Variants in FRMD6 observed in about 807,000 individuals in gnomAD.
FRMD6 encodes the protein FERM domain containing 6.
Under a neutral mutation model 73.2 loss-of-function variants are expected in FRMD6, and 37 were observed. That is an observed-to-expected ratio of 0.51 (90% confidence interval 0.39 to 0.66). FRMD6 has a LOEUF of 0.66. Among genes scored for constraint, FRMD6 ranks in the 30% least tolerant of loss-of-function variants. The probability of loss-of-function intolerance (pLI) is 0.00; values close to 1 mark genes in which losing one functional copy is unlikely to be tolerated. For missense variants in FRMD6, 714 were observed against 780.5 expected (o/e 0.91, Z 1.02); for synonymous variants, 273 against 282.2 (o/e 0.97, Z 0.33).
chr14:51,425,154 C>G, the FRMD6 span, among the ~76,000 whole-genome samples: 3 of 152,306 alleles, frequency 2.0e-5, no homozygotes, highest in Non-Finnish European at 4.4e-5. Flanking sequence ...CAATGCTGCC[C>G]ATGCTGTTGG....
chr14:51,649,408 T>G (rs1365291131), upstream of FRMD6: 1 of 152,194 alleles, frequency 6.6e-6, no homozygotes, highest in Admixed American at 6.5e-5. Flanking sequence ...TTGCTATTTG[T>G]TTTACCTAAT....
intron 1 of FRMD6, among the ~76,000 whole-genome samples, chr14:51,564,653 T>C (rs1401344663): frequency 1.3e-5 from 2 of 152,152 alleles, no homozygotes; most frequent in African/African-American, 2.4e-5. Flanking sequence ...ACAACAGCCT[T>C]AGAAAGAGAG....
intron 2 of FRMD6, among the ~76,000 whole-genome samples, chr14:51,625,997 T>C (rs1891100010): frequency 6.6e-6 from 1 of 152,210 alleles, no homozygotes; most frequent in Non-Finnish European, 1.5e-5. Flanking sequence ...GCTCAATAAA[T>C]GTTGAATAAA....
At chr14:51,492,171 G>A (rs870522) in intron 1 of FRMD6, among the ~76,000 whole-genome samples, 1 of 151,918 alleles carries the variant, frequency 6.6e-6, no homozygotes, top group African/African-American at 2.4e-5. Context: ...CTTTCCTTGA[G>A]TTTCAGCTAA....
the FRMD6 span, among the ~76,000 whole-genome samples, chr14:51,431,271 G>T: frequency 1.3e-5 from 2 of 152,280 alleles, no homozygotes; most frequent in African/African-American, 4.8e-5. Context: ...ACCCAAGCTG[G>T]AAGTCCTTCT....
At chr14:51,579,585 C>T (rs1888599034) in intron 2 of FRMD6, among the ~76,000 whole-genome samples, 1 of 152,132 alleles carries the variant, frequency 6.6e-6, no homozygotes, top group African/African-American at 2.4e-5. Flanking sequence ...TTGTTGAATA[C>T]CCTGCATTTA....
chr14:51,602,343 G>T (rs533170803), intron 2 of FRMD6, among the ~76,000 whole-genome samples: 1 of 152,130 alleles, frequency 6.6e-6, no homozygotes, highest in Non-Finnish European at 1.5e-5. Context: ...TAACTTTGTG[G>T]CTAGAAACAG....
chr14:51,601,967 T>C (rs1041733077), intron 2 of FRMD6, among the ~76,000 whole-genome samples: 19 of 152,242 alleles, frequency 1.2e-4, no homozygotes, highest in African/African-American at 4.6e-4. Flanking sequence ...CTTAGCCTAC[T>C]TGGCAAGCCT....
rs531201430 is a variant in FRMD6 at position 51,697,785 on chromosome 14, T to A, written c.100-357T>A. The stretch of plus-strand genomic sequence containing the variant: ...AATTAAAAAAACAAATGAATAAAAA[T>A]TTTTTAAAAAAGATACTTGCCAAAT... On this transcript the variant is annotated intron_variant, in intron 2 of 13. Transcript: ENST00000344768. 4.6e-5 allele frequency among the ~76,000 whole-genome samples: 7 copies of A among 152,242 alleles called. No individual in the cohort carries two copies. In the South Asian group the frequency reaches 1.5e-3, roughly 32 times the overall value.
Position 51,721,311 on chromosome 14 carries a change from C to T in FRMD6, c.1361-638C>T, listed in dbSNP as rs73296977. ...AACACATATAGGTAATGCAGCAATCCGATAAGAAAGAACAAGTAGGCCAGG... is the reference window on the plus strand; with the variant it reads ...AACACATATAGGTAATGCAGCAATCTGATAAGAAAGAACAAGTAGGCCAGG... On this transcript the variant is annotated intron_variant, in intron 11 of 13. Transcript: ENST00000344768. Among the ~76,000 whole-genome samples the T allele has an allele frequency of 8.7e-3, 1,320 of 152,164 alleles. 24 individuals are homozygous for T. Among genetic ancestry groups the T allele is most frequent in the African/African-American group, 0.028 (1,150 of 41,498 alleles).
chr14:51,628,872 C>CTT (rs1218988966), intron 2 of FRMD6, among the ~76,000 whole-genome samples: 1 of 68,190 alleles, frequency 1.5e-5, no homozygotes, highest in Non-Finnish European at 3.2e-5. Flanking sequence ...TTTTTCTTTT[C>CTT]TTTTCTTTTT....
At chr14:51,685,819 TA>T (rs61033880) in intron 1 of FRMD6, among the ~76,000 whole-genome samples, 59,231 of 152,040 alleles carry the variant, frequency 0.39, 11,669 homozygotes, top group African/African-American at 0.45. Flanking sequence ...GGGGAGTATC[TA>T]ATGCTTTTGT....
In FRMD6 at chr14:51,689,679, G is replaced by A. The variant is rs1406517396; in HGVS notation, c.-146-12G>A. The A allele has an allele frequency of 3.2e-6, 2 of 620,810 alleles. No individual in the cohort carries two copies. The highest frequency in any genetic ancestry group is 1.9e-5 in the South Asian group (1 of 51,560). The allele number at this position is 620,810 out of a possible 1,614,324, so 38.5% of individuals were successfully genotyped here. A position where few individuals can be genotyped will look rare whatever the true frequency, so the allele number is the denominator to read the frequency against. On this transcript the variant is annotated splice_polypyrimidine_tract_variant and intron_variant, in intron 1 of 13. Transcript: ENST00000344768. Reference sequence around the variant, plus strand: ...CCTTTCTTCAGGAGTCTCCCCTTTGGCTTTTTCACAGCTATGAAACCCACG... The same window carrying A: ...CCTTTCTTCAGGAGTCTCCCCTTTGACTTTTTCACAGCTATGAAACCCACG...
chr14:51,611,678 C>T lies in FRMD6; in HGVS notation c.-147+41268C>T, dbSNP rs78443615. Among the ~76,000 whole-genome samples, 1,324 of 152,296 alleles carry T rather than the reference C, an allele frequency of 8.7e-3. 13 individuals carry two copies. The highest frequency in any genetic ancestry group is 0.012 in the South Asian group (56 of 4,830). On this transcript the variant is annotated intron_variant, in intron 2 of 14. Transcript: ENST00000356218. Reference sequence around the variant, plus strand: ...ATTTCTAACAAGCTTCCAGATGATGCGCATGCTGTCAGTCTGGGGCTCACA... The same window carrying T: ...ATTTCTAACAAGCTTCCAGATGATGTGCATGCTGTCAGTCTGGGGCTCACA...
chr14:51,434,415 G>A, the FRMD6 span, among the ~76,000 whole-genome samples: 1 of 152,120 alleles, frequency 6.6e-6, no homozygotes, highest in African/African-American at 2.4e-5. Context: ...ATGCCAGAAG[G>A]TAAGGAAGTA....
chr14:51,587,931 A>T (rs1889150152), intron 2 of FRMD6, among the ~76,000 whole-genome samples: 1 of 151,904 alleles, frequency 6.6e-6, no homozygotes. Context: ...TTACAGCACG[A>T]TGGAAATGAA....
At position 51,570,732 on chromosome 14, in the gene FRMD6, G is replaced by A. The variant is rs573363511; in HGVS notation, c.-147+322G>A. ...TGAGAACCAGTTTTAGATAGGTTTC[G>A]TAGGCCAAAGGAATAGAAAATATCT... is the stretch of plus-strand genomic sequence containing the variant. On this transcript the variant is annotated intron_variant, in intron 2 of 14. Transcript: ENST00000356218. 4.7e-4 allele frequency among the ~76,000 whole-genome samples: 72 copies of A among 152,294 alleles called. 1 individual carries two copies. The South Asian group carries it at 0.013, about 27-fold the overall frequency.
intron 1 of FRMD6, among the ~76,000 whole-genome samples, chr14:51,526,985 T>A (rs1393251717): frequency 6.6e-6 from 1 of 152,242 alleles, no homozygotes; most frequent in Non-Finnish European, 1.5e-5. Flanking sequence ...ATGGGAATGA[T>A]GTCCTAGAAG....
At chr14:51,423,154 T>G in the FRMD6 span, among the ~76,000 whole-genome samples, 1 of 152,212 alleles carries the variant, frequency 6.6e-6, no homozygotes, top group Non-Finnish European at 1.5e-5. Flanking sequence ...TTGCGTAGCT[T>G]ATTCTGTCTG....
Sources: gnomAD v4.1 joint callset for allele counts (sites outside exome capture counted in the v4.1 genomes callset) on GRCh38, gnomAD v4.1.1 for gene constraint, MANE v1.5 for transcripts, NCBI Gene and HGNC (gene_info 2026-07-23, HGNC 2026-07-21) for gene names.